The following RASSF2 variants were observed in gnomAD, a reference collection of about 807,000 sequenced individuals.
RASSF2 encodes Ras association domain family member 2.
A neutral mutation model predicts 46.3 loss-of-function variants in RASSF2; 34 were observed. The observed-to-expected ratio is 0.73, with a 90% CI of 0.56 to 0.98. The LOEUF (loss-of-function observed/expected upper bound fraction) is 0.98, where lower values mean the gene tolerates loss of function less well. Ranked by LOEUF, RASSF2 falls within the 50% of genes least tolerant of loss-of-function variation. RASSF2 has a pLI of 0.00. For missense variants in RASSF2, 364 were observed against 431.2 expected, an observed-to-expected ratio of 0.84 and a Z score of 1.38; for synonymous variants, 158 against 162.5, an observed-to-expected ratio of 0.97 and a Z score of 0.21.
At chr20:4,818,211 G>A (rs1928446383) in intron 2 of RASSF2, among the ~76,000 whole-genome samples, 1 of 151,894 alleles carries the variant, frequency 6.6e-6, no homozygotes, top group African/African-American at 2.4e-5. Flanking sequence ...AGGTTGTAGT[G>A]AGCCAAGATC....
In RASSF2 at chr20:4,789,683, T is replaced by C. The variant is rs781272464; in HGVS notation, c.552A>G (p.Thr184=). 6.2e-7 allele frequency: 1 copy of C among 1,613,976 alleles called. No homozygotes were observed. ...CGTTGGTGACAGAGCCATAGGCTGG[T>C]GTGAACACGGATGTCTGTCAATAGA... is the stretch of plus-strand genomic sequence containing the variant. ...HFYNHKTSVF[T]PAYGSVTNVR... The change falls in exon 8 of 12, where the codon ACA becomes ACG. Residue 184 remains threonine, a synonymous_variant. Coordinates refer to ENST00000379400, the MANE Select transcript of RASSF2 (RefSeq NM_014737.3).
At position 4,798,082 on chromosome 20, in the gene RASSF2, AT is replaced by A. The variant is rs771767338; in HGVS notation, c.62del (p.Asn21MetfsTer7). ...PCGQDKYISK[N>X]ELLLHLKTYN... ...AGGTCTTCAGATGCAAGAGAAGTTC[AT>A]TTCTTAGGGGGAAAAATAGAAGAGA... On this transcript the variant is annotated frameshift_variant and splice_region_variant, in exon 4 of 12. Transcript: ENST00000379400. LOFTEE classifies it high-confidence loss of function. The A allele has an allele frequency of 6.2e-7, 1 of 1,613,728 alleles. No homozygotes were observed. The highest frequency in any genetic ancestry group is 8.5e-7 in the Non-Finnish European group (1 of 1,179,718).
chr20:4,780,968 CAA>C lies in RASSF2; in HGVS notation c.*3303_*3304del, dbSNP rs540709164. On this transcript the variant is annotated 3_prime_UTR_variant, in exon 12 of 12. Coordinates refer to ENST00000379400, the MANE Select transcript of RASSF2 (RefSeq NM_014737.3). ...TGGGAAACAGAACCAGACTCTGTCTCAAAAAAAAAAAAAAGAAAGAAAGAAAC... is the reference window on the plus strand; with the variant it reads ...TGGGAAACAGAACCAGACTCTGTCTCAAAAAAAAAAAAGAAAGAAAGAAAC... 20 of 132,888 alleles carry C rather than the reference CAA, an allele frequency of 1.5e-4. No homozygotes were observed. The highest frequency in any genetic ancestry group is 1.1e-4 in the Non-Finnish European group (7 of 61,050). The allele number at this position is 132,888 out of a possible 1,614,324, so 8.2% of individuals were successfully genotyped here. A position where few individuals can be genotyped will look rare whatever the true frequency, so the allele number is the denominator to read the frequency against.
Position 4,781,233 on chromosome 20 carries a change from G to T in RASSF2, c.*3040C>A, listed in dbSNP as rs115130093. ...TTTTGCATGGAAAACAGATATTTTGGGGGGGGCATTATATGCTACCGATAT... is the reference window on the plus strand; with the variant it reads ...TTTTGCATGGAAAACAGATATTTTGTGGGGGGCATTATATGCTACCGATAT... On this transcript the variant is annotated 3_prime_UTR_variant, in exon 12 of 12. Coordinates refer to ENST00000379400, the MANE Select transcript of RASSF2 (RefSeq NM_014737.3). 45 of 141,638 alleles carry T rather than the reference G, an allele frequency of 3.2e-4. 1 individual carries two copies. Among genetic ancestry groups the T allele is most frequent in the Middle Eastern group, 3.4e-3 (1 of 292 alleles). The allele number at this position is 141,638 out of a possible 1,614,324, so 8.8% of individuals were successfully genotyped here. A position where few individuals can be genotyped will look rare whatever the true frequency, so the allele number is the denominator to read the frequency against.
intron 2 of RASSF2, among the ~76,000 whole-genome samples, chr20:4,813,283 C>T (rs369177161): frequency 1.6e-3 from 245 of 152,278 alleles, no homozygotes; most frequent in African/African-American, 5.8e-3. Flanking sequence ...CAGCAAGGGC[C>T]ATGCTGGGGT....
chr20:4,787,752 T>A lies in RASSF2; in HGVS notation c.694A>T (p.Lys232Ter), dbSNP rs1017300805. 1.2e-6 allele frequency: 2 copies of A among 1,613,978 alleles called. No homozygotes were observed. The highest frequency in any genetic ancestry group is 2.7e-5 in the African/African-American group (2 of 74,876). Residue 232 changes from lysine (K) to a stop codon, truncating the protein, a stop_gained and splice_region_variant, in exon 10 of 12, where the codon AAA becomes TAA. Coordinates refer to ENST00000379400, the MANE Select transcript of RASSF2 (RefSeq NM_014737.3). LOFTEE classifies it high-confidence loss of function. Reference sequence around the variant, plus strand: ...TAATCGGTGGCCTTCAGCTTCTGTTTCTCTGCAACCACACACACCCAGGAG... The same window carrying A: ...TAATCGGTGGCCTTCAGCTTCTGTTACTCTGCAACCACACACACCCAGGAG... ...ALYVVHTSGE[K>*]QKLKATDYPL...
At chr20:4,803,023 C>T (rs1023425830) in intron 2 of RASSF2, among the ~76,000 whole-genome samples, 2 of 151,612 alleles carry the variant, frequency 1.3e-5, no homozygotes, top group Non-Finnish European at 2.9e-5. Flanking sequence ...GATCCTCCCA[C>T]CTCAGCCTCC....
At chr20:4,815,250 C>T (rs926456057) in intron 2 of RASSF2, 1 of 152,428 alleles carries the variant, frequency 6.6e-6, no homozygotes, top group African/African-American at 2.4e-5. Context: ...CGGGCAAACT[C>T]TGCCTCAGCA....
At chr20:4,798,196 G>A (rs1353276728) in intron 3 of RASSF2, 111 bp from the exon 4 acceptor site, 1 of 1,492,664 alleles carries the variant, frequency 6.7e-7, no homozygotes, top group South Asian at 1.2e-5. Flanking sequence ...CCCACTTTGG[G>A]TAACTGTCCA....
In RASSF2 at chr20:4,787,619, C is replaced by G; in HGVS notation, c.813+14G>C. The G allele has an allele frequency of 6.2e-7, 1 of 1,614,138 alleles. No individual in the cohort carries two copies. The highest frequency in any genetic ancestry group is 8.5e-7 in the Non-Finnish European group (1 of 1,180,010). ...CCTCCTGAGGACAGATCGCCTGACC[C>G]AAAGGGAACTCACGTCGTAGGTGAC... On this transcript the variant is annotated intron_variant, in intron 10 of 11. Transcript: ENST00000379400.
At chr20:4,794,811 T>C (rs1475368372) in intron 5 of RASSF2, among the ~76,000 whole-genome samples, 2 of 152,168 alleles carry the variant, frequency 1.3e-5, no homozygotes, top group Admixed American at 6.5e-5. Flanking sequence ...TCCTAGCACC[T>C]ATGGGGTGGG....
chr20:4,785,294 G>A (rs1357931938), intron 11 of RASSF2, among the ~76,000 whole-genome samples: 1 of 151,996 alleles, frequency 6.6e-6, no homozygotes, highest in Non-Finnish European at 1.5e-5. Context: ...AGCCGAGATC[G>A]CATCTCTGCA....
chr20:4,795,251 C>T lies in RASSF2; in HGVS notation c.287+564G>A, dbSNP rs1292560054. 3.3e-5 allele frequency: 5 copies of T among 152,470 alleles called. No homozygotes were observed. The highest frequency in any genetic ancestry group is 9.6e-5 in the African/African-American group (4 of 41,594). 9.4% of individuals were successfully genotyped at this position (152,470 alleles called of 1,614,324 possible). On this transcript the variant is annotated intron_variant, in intron 5 of 11. Coordinates refer to ENST00000379400, the MANE Select transcript of RASSF2 (RefSeq NM_014737.3). This position sits in a 1 kb window ranked among gnomAD's most constrained non-coding sequence, Gnocchi z 4.0. ...TGGTGGGAACTTAGACTACCACCAT[C>T]TCACCAAACCCTGGCTCCCCGTATG... is the stretch of plus-strand genomic sequence containing the variant.
At chr20:4,798,122 G>C in intron 3 of RASSF2, 37 bp from the exon 4 acceptor site, 1 of 1,610,714 alleles carries the variant, frequency 6.2e-7, no homozygotes, top group East Asian at 2.2e-5. Flanking sequence ...AACATTATCA[G>C]CTGAAGCCAC....
rs139777169 is a variant in RASSF2, at chr20:4,813,315, C to T, written c.-33+9014G>A. 3.8e-3 allele frequency among the ~76,000 whole-genome samples: 578 copies of T among 152,296 alleles called. 2 individuals are homozygous for T. The highest frequency in any genetic ancestry group is 0.013 in the African/African-American group (559 of 41,564). The stretch of plus-strand genomic sequence containing the variant: ...GGGTTTCTTCAAGCATGTCAGCCTA[C>T]GAAGCCGCCACTCTTCTGCCACCAA... On this transcript the variant is annotated intron_variant, in intron 2 of 11. Transcript: ENST00000379400.
chr20:4,807,323 C>A (rs1927416993), intron 2 of RASSF2, among the ~76,000 whole-genome samples: 2 of 133,812 alleles, frequency 1.5e-5, no homozygotes, highest in South Asian at 2.2e-4. Flanking sequence ...TTTTAAACTT[C>A]TGTTCAGAAA....
At chr20:4,811,824 C>T (rs962500505) in intron 2 of RASSF2, among the ~76,000 whole-genome samples, 1 of 152,086 alleles carries the variant, frequency 6.6e-6, no homozygotes, top group African/African-American at 2.4e-5. Flanking sequence ...TCTTTTGGGG[C>T]CTGTGCACAC....
In RASSF2 at chr20:4,790,451, C is replaced by G. The variant is rs6107530; in HGVS notation, c.537G>C (p.Lys179Asn). ...FSINGHFYNHKTSVFTPAYGS... is the reference protein window; with the variant it reads ...FSINGHFYNHNTSVFTPAYGS... Reference sequence around the variant, plus strand: ...CTCCCCGTCCCCCTGTCCACCTTACCTTATGGTTGTAGAAATGGCCGTTGA... The same window carrying G: ...CTCCCCGTCCCCCTGTCCACCTTACGTTATGGTTGTAGAAATGGCCGTTGA... Residue 179 changes from lysine (K) to asparagine (N), a missense_variant and splice_region_variant, in exon 7 of 12, where the codon AAG becomes AAC. Lys to Asn is a moderately conservative substitution (Grantham distance 94). Transcript: ENST00000379400. The surrounding 1 kb of genome is among the most constrained non-coding windows in gnomAD (Gnocchi z 4.3). 1.3e-5 allele frequency: 19 copies of G among 1,472,468 alleles called. No homozygotes were observed. The highest frequency in any genetic ancestry group is 1.7e-5 in the Non-Finnish European group (19 of 1,112,970). 91.2% of individuals were successfully genotyped at this position (1,472,468 alleles called of 1,614,324 possible).
intron 5 of RASSF2, chr20:4,792,898 C>A: frequency 1.9e-6 from 1 of 521,540 alleles, no homozygotes; most frequent in Non-Finnish European, 3.3e-6. Context: ...GTAACACACC[C>A]AACCAATTCA....
Sources: allele counts gnomAD v4.1 joint callset (sites outside exome capture counted in the v4.1 genomes callset), GRCh38; gene constraint gnomAD v4.1.1; non-coding constraint Gnocchi (gnomAD v3.1); transcripts MANE v1.5; gene names NCBI Gene and HGNC (gene_info 2026-07-23, HGNC 2026-07-21).